The following BICRAL variants were observed in gnomAD, a reference collection of about 807,000 sequenced individuals.
BICRAL encodes BRD4-interacting chromatin-remodeling complex-associated protein-like.
In BICRAL, 8 loss-of-function variants were observed where a neutral mutation model predicts 91.8. The ratio of observed to expected loss-of-function variants is 0.09; its 90% CI spans 0.05 to 0.16. The LOEUF (loss-of-function observed/expected upper bound fraction) is 0.16, where lower values mean the gene tolerates loss of function less well. Ranked by LOEUF, BICRAL falls within the 10% of genes least tolerant of loss-of-function variation. BICRAL has a pLI of 1.00. For synonymous variants in BICRAL, 445 were observed against 491.1 expected (o/e 0.91, Z 1.24); for missense variants, 1,038 against 1,310.9 (o/e 0.79, Z 3.21).
chr6:42,824,598 C>T (rs770447176), intron 5 of BICRAL, among the ~76,000 whole-genome samples: 56 of 152,214 alleles, frequency 3.7e-4, no homozygotes, highest in Non-Finnish European at 6.2e-4. Flanking sequence ...CGCCCCATTA[C>T]AGGCGTGAGC....
Position 42,865,368 on chromosome 6 carries a change from C to T in BICRAL, c.3162C>T (p.Phe1054=), listed in dbSNP as rs775735688. The change falls in exon 13 of 13, where the codon TTC becomes TTT. Residue 1054 remains phenylalanine, a synonymous_variant. Transcript: ENST00000314073. ...CACAGGAAAACTGCCTGGAAAAGTT[C>T]ATCCCGGACCACAGTGAAGGTGTTG... ...MASQENCLEK[F]IPDHSEGVVE... is the part of the protein sequence containing the mutation. 2.7e-5 allele frequency: 43 copies of T among 1,613,148 alleles called. No individual in the cohort carries two copies. In the South Asian group the frequency reaches 4.6e-4, roughly 17 times the overall value.
At chr6:42,746,380 C>T (rs1475957853), upstream of BICRAL, among the ~76,000 whole-genome samples, 2 of 152,072 alleles carry the variant, frequency 1.3e-5, no homozygotes. Context: ...GCAGCAGCGG[C>T]AGCTGCACAT....
intron 1 of BICRAL, among the ~76,000 whole-genome samples, chr6:42,771,211 T>C (rs1006097393): frequency 3.9e-5 from 6 of 152,354 alleles, no homozygotes; most frequent in African/African-American, 1.2e-4. Flanking sequence ...TGGCGGGTGT[T>C]GCAGGCAGGT....
At chr6:42,803,542 G>A (rs1158683068) in intron 1 of BICRAL, among the ~76,000 whole-genome samples, 1 of 152,146 alleles carries the variant, frequency 6.6e-6, no homozygotes, top group Non-Finnish European at 1.5e-5. Flanking sequence ...ATTAGTAACT[G>A]ACATTAACCC....
chr6:42,857,316 C>T (rs1765397245), intron 10 of BICRAL, 80 bp downstream of exon 10: 8 of 1,142,070 alleles, frequency 7.0e-6, no homozygotes, highest in African/African-American at 1.5e-5. Context: ...GCAAGAGCCA[C>T]ATCACCCCCA....
At chr6:42,758,406 T>G (rs1227859446) in intron 1 of BICRAL, among the ~76,000 whole-genome samples, 1 of 152,206 alleles carries the variant, frequency 6.6e-6, no homozygotes, top group African/African-American at 2.4e-5. Flanking sequence ...ACCAGCGCCC[T>G]ACTCCAGCCA....
At chr6:42,857,614 A>AAAAAAAAAAAAAAAT in intron 10 of BICRAL, among the ~76,000 whole-genome samples, 2 of 96,242 alleles carry the variant, frequency 2.1e-5, no homozygotes, top group African/African-American at 1.3e-4. Flanking sequence ...AAAAAAAAAA[A>AAAAAAAAAAAAAAAT]ATATATATAT....
chr6:42,803,517 A>G (rs917236241), intron 1 of BICRAL, among the ~76,000 whole-genome samples: 2 of 152,178 alleles, frequency 1.3e-5, no homozygotes, highest in African/African-American at 2.4e-5. Context: ...CTTGGTGCAT[A>G]TTCTTGGAAA....
intron 5 of BICRAL, among the ~76,000 whole-genome samples, chr6:42,827,570 T>C (rs1764340286): frequency 6.6e-6 from 1 of 152,230 alleles, no homozygotes; most frequent in East Asian, 1.9e-4. Context: ...ATCATGTCGG[T>C]GTAGTAGCAA....
At chr6:42,767,026 T>C (rs1431176284) in intron 1 of BICRAL, among the ~76,000 whole-genome samples, 1 of 140,566 alleles carries the variant, frequency 7.1e-6, no homozygotes, top group Non-Finnish European at 1.5e-5. Context: ...GGCAACAGAG[T>C]GAGACTCCAT....
chr6:42,865,031 A>C lies in BICRAL; in HGVS notation c.2825A>C (p.Lys942Thr), dbSNP rs1380826258. 2 of 1,613,998 alleles carry C rather than the reference A, an allele frequency of 1.2e-6. No homozygotes were observed. The highest frequency in any genetic ancestry group is 8.5e-7 in the Non-Finnish European group (1 of 1,180,050). Residue 942 changes from lysine to threonine, a missense_variant, in exon 13 of 13, where the codon AAA becomes ACA. Lys to Thr is a moderately conservative substitution (Grantham distance 78). Around this residue, in one of 5 missense-constraint regions of BICRAL, gnomAD observed 294 missense variants for 292.6 expected, o/e 1.00. Transcript: ENST00000314073. ...TCTCCCGGCCCTGAGGGGCACCGGA[A>C]AACCTCATCCAGATCGGATCATGGT... Reference protein sequence around the residue: ...QCSPGPEGHRKTSSRSDHGTE... With the variant: ...QCSPGPEGHRTTSSRSDHGTE...
chr6:42,775,233 C>T (rs1022750297), intron 1 of BICRAL, among the ~76,000 whole-genome samples: 3 of 152,192 alleles, frequency 2.0e-5, no homozygotes, highest in Non-Finnish European at 4.4e-5. Flanking sequence ...CTGCGCCCGG[C>T]CAGAGTAGTT....
At chr6:42,781,694 CTG>C (rs987246197), upstream of BICRAL, 4 of 147,876 alleles carry the variant, frequency 2.7e-5, no homozygotes, top group Non-Finnish European at 5.9e-5. Flanking sequence ...CCAAATAAAA[CTG>C]TTTCTTGAAT....
chr6:42,797,244 T>G (rs1051843832), intron 1 of BICRAL, among the ~76,000 whole-genome samples: 1 of 151,796 alleles, frequency 6.6e-6, no homozygotes, highest in Non-Finnish European at 1.5e-5. Context: ...AAAGAACCAA[T>G]TTAGGTTGGG....
intron 1 of BICRAL, among the ~76,000 whole-genome samples, chr6:42,791,814 A>G (rs747010393): frequency 6.6e-6 from 1 of 152,172 alleles, no homozygotes; most frequent in South Asian, 2.1e-4. Context: ...TCACAGGGAT[A>G]GGTTCTGATG....
At chr6:42,857,802 A>ATTTTT (rs1161596399) in intron 10 of BICRAL, among the ~76,000 whole-genome samples, 34 of 73,670 alleles carry the variant, frequency 4.6e-4, no homozygotes, top group Middle Eastern at 0.01. Flanking sequence ...CATACCCTGA[A>ATTTTT]TTTTTTTTTT....
chr6:42,830,583 C>G (rs1764445242), intron 6 of BICRAL, among the ~76,000 whole-genome samples: 1 of 151,598 alleles, frequency 6.6e-6, no homozygotes. Flanking sequence ...TTTTTTTACA[C>G]TTATGACTGG....
At chr6:42,762,749 T>TA (rs139999734) in intron 1 of BICRAL, among the ~76,000 whole-genome samples, 7,826 of 152,126 alleles carry the variant, frequency 0.051, 269 homozygotes, top group Non-Finnish European at 0.084. Flanking sequence ...GCAACAATGA[T>TA]ACTTCGTCTC....
At chr6:42,821,151 TA>T (rs922397229) in intron 2 of BICRAL, 1 of 152,216 alleles carries the variant, frequency 6.6e-6, no homozygotes, top group African/African-American at 2.4e-5. Flanking sequence ...TTCCGTGATG[TA>T]AATTATTCCA....
Sources: gnomAD v4.1 joint callset for allele counts (sites outside exome capture counted in the v4.1 genomes callset) on GRCh38, gnomAD v4.1.1 for gene constraint, gnomAD v4.1.1 regional missense constraint, MANE v1.5 for transcripts, NCBI Gene and HGNC (gene_info 2026-07-23, HGNC 2026-07-21) for gene names.